Variants in EPHA5 observed in about 807,000 individuals in gnomAD.
EPHA5 encodes ephrin type-A receptor 5.
In EPHA5, 60 loss-of-function variants were observed where a neutral mutation model predicts 105.0. The observed-to-expected ratio is 0.57, with a 90% CI of 0.46 to 0.71. The LOEUF (loss-of-function observed/expected upper bound fraction) is 0.71, where lower values mean the gene tolerates loss of function less well. Among genes scored for constraint, EPHA5 ranks in the 30% least tolerant of loss-of-function variants. EPHA5 has a pLI of 0.00. For synonymous variants in EPHA5, 513 were observed against 449.1 expected (o/e 1.14, Z -1.80); for missense variants, 1,218 against 1,274.7 (o/e 0.96, Z 0.68).
rs1167954813 is a variant in EPHA5, at chr4:65,549,601, A to T, written c.910+52040T>A. 2.6e-5 allele frequency among the ~76,000 whole-genome samples: 4 copies of T among 152,228 alleles called. No individual in the cohort carries two copies. In the East Asian group the frequency reaches 7.7e-4, roughly 29 times the overall value. ...TAACAAATAACATTTTTAATATGAA[A>T]GGGATGCATGCTATAATTTGTAGGG... is the stretch of plus-strand genomic sequence containing the variant. On this transcript the variant is annotated intron_variant, in intron 3 of 16. Transcript: ENST00000613740.
chr4:65,403,557 T>C (rs1230929799), intron 8 of EPHA5, among the ~76,000 whole-genome samples: 1 of 151,598 alleles, frequency 6.6e-6, no homozygotes, highest in East Asian at 1.9e-4. Flanking sequence ...ACTATGTTTA[T>C]TGTAGGAAAA....
intron 8 of EPHA5, among the ~76,000 whole-genome samples, chr4:65,369,706 G>C (rs1390531891): frequency 6.6e-6 from 1 of 151,994 alleles, no homozygotes; most frequent in African/African-American, 2.4e-5. Flanking sequence ...GGTGGCTCAC[G>C]CTTGTAATCC....
At chr4:65,633,193 G>C (rs956627469) in intron 2 of EPHA5, among the ~76,000 whole-genome samples, 1 of 151,950 alleles carries the variant, frequency 6.6e-6, no homozygotes, top group East Asian at 1.9e-4. Context: ...CTCTTCCCCT[G>C]CTGCCTTTAA....
At position 65,590,678 on chromosome 4, in the gene EPHA5, A is replaced by C. The variant is rs1255336440; in HGVS notation, c.910+10963T>G. 2.0e-5 allele frequency among the ~76,000 whole-genome samples: 3 copies of C among 152,296 alleles called. No homozygotes were observed. The East Asian group carries it at 5.8e-4, about 29-fold the overall frequency. ...AAGAGAGAGAGACAAATTAAGCTAC[A>C]CTTGCTATTAGTCAGATAGTTTTCT... is the stretch of plus-strand genomic sequence containing the variant. On this transcript the variant is annotated intron_variant, in intron 3 of 16. Transcript: ENST00000613740.
At chr4:65,611,034 T>C (rs2149457711) in intron 2 of EPHA5, among the ~76,000 whole-genome samples, 1 of 152,298 alleles carries the variant, frequency 6.6e-6, no homozygotes, top group East Asian at 1.9e-4. Context: ...AGTTTATATC[T>C]TTCTTAAGAG....
intron 3 of EPHA5, among the ~76,000 whole-genome samples, chr4:65,543,304 A>T (rs1394172767): frequency 1.3e-5 from 2 of 152,010 alleles, no homozygotes; most frequent in Non-Finnish European, 2.9e-5. Flanking sequence ...AGATGACATG[A>T]TCCTATATTT....
chr4:65,439,879 T>C (rs1172299473), intron 5 of EPHA5, among the ~76,000 whole-genome samples: 1 of 152,056 alleles, frequency 6.6e-6, no homozygotes, highest in Non-Finnish European at 1.5e-5. Flanking sequence ...TTGATATTTT[T>C]AAAAAGCAAA....
At chr4:65,562,562 G>A (rs937428840) in intron 3 of EPHA5, among the ~76,000 whole-genome samples, 8 of 152,010 alleles carry the variant, frequency 5.3e-5, no homozygotes, top group Admixed American at 2.6e-4. Context: ...ATAAGAGAAT[G>A]TTTGCAACTG....
At chr4:65,507,866 G>C (rs575857778) in intron 3 of EPHA5, among the ~76,000 whole-genome samples, 2 of 152,050 alleles carry the variant, frequency 1.3e-5, no homozygotes, top group East Asian at 3.9e-4. Context: ...AAAAATATTA[G>C]TATTTGCTTA....
At chr4:65,417,809 C>A (rs1481707300) in intron 6 of EPHA5, among the ~76,000 whole-genome samples, 1 of 152,082 alleles carries the variant, frequency 6.6e-6, no homozygotes, top group African/African-American at 2.4e-5. Context: ...TGTTGAATAA[C>A]TCTTTGTTGT....
intron 3 of EPHA5, among the ~76,000 whole-genome samples, chr4:65,540,586 C>T (rs552675778): frequency 6.6e-5 from 10 of 151,418 alleles, no homozygotes; most frequent in South Asian, 2.1e-4. Flanking sequence ...CAAAGCATTT[C>T]GAAAGATTCT....
intron 4 of EPHA5, among the ~76,000 whole-genome samples, chr4:65,492,490 C>T (rs997300861): frequency 6.7e-6 from 1 of 148,384 alleles, no homozygotes; most frequent in Non-Finnish European, 1.5e-5. Flanking sequence ...ACGTGAGCCA[C>T]CGCGCCAAGC....
At chr4:65,591,909 C>T (rs976951893) in intron 3 of EPHA5, among the ~76,000 whole-genome samples, 12 of 152,034 alleles carry the variant, frequency 7.9e-5, no homozygotes, top group Non-Finnish European at 1.6e-4. Flanking sequence ...TGAAACGTAT[C>T]TTTTAAAAAC....
intron 5 of EPHA5, among the ~76,000 whole-genome samples, chr4:65,453,060 G>A (rs1177758528): frequency 2.6e-5 from 4 of 152,082 alleles, no homozygotes; most frequent in African/African-American, 9.7e-5. Context: ...AATGCACACA[G>A]TTTGGCAAAT....
chr4:65,547,371 G>T (rs193055548), intron 3 of EPHA5, among the ~76,000 whole-genome samples: 3 of 151,276 alleles, frequency 2.0e-5, no homozygotes, highest in Non-Finnish European at 2.9e-5. Flanking sequence ...AAAGAAAGCA[G>T]GTAATAAAAA....
intron 1 of EPHA5, among the ~76,000 whole-genome samples, chr4:65,667,545 A>G (rs1750063773): frequency 6.6e-6 from 1 of 152,090 alleles, no homozygotes; most frequent in African/African-American, 2.4e-5. Context: ...GAGGTAAGAC[A>G]ATACAATCTG....
At chr4:65,402,889 C>T (rs1179319682) in intron 8 of EPHA5, among the ~76,000 whole-genome samples, 2 of 152,102 alleles carry the variant, frequency 1.3e-5, no homozygotes, top group African/African-American at 4.8e-5. Context: ...AGCTTATCTT[C>T]CAGAAAGCAG....
In EPHA5 at chr4:65,365,040, T is replaced by C. The variant is rs1290412965; in HGVS notation, c.2150A>G (p.His717Arg). ...MGQFDHPNII[H>R]LEGVVTKSKP... ...ACTTTTGGTCACCACACCTTCTAAATGGATGATGTTAGGATGATCAAACTG... is the reference window on the plus strand; with the variant it reads ...ACTTTTGGTCACCACACCTTCTAAACGGATGATGTTAGGATGATCAAACTG... Residue 717 changes from histidine to arginine, a missense_variant, in exon 11 of 17, where the codon CAT (histidine) becomes CGT (arginine). His to Arg is a conservative substitution (Grantham distance 29, BLOSUM62 0). This residue lies in a region of EPHA5 where 971 missense variants were observed against 1,013.5 expected (regional missense o/e 0.96). Transcript: ENST00000613740. 1 of 1,611,032 alleles carries C rather than the reference T, an allele frequency of 6.2e-7. No individual in the cohort carries two copies. The highest frequency in any genetic ancestry group is 8.5e-7 in the Non-Finnish European group (1 of 1,178,042).
At chr4:65,326,863 C>A (rs543687623) in intron 16 of EPHA5, among the ~76,000 whole-genome samples, 1 of 151,220 alleles carries the variant, frequency 6.6e-6, no homozygotes, top group East Asian at 2.0e-4. Flanking sequence ...TTGAAAATAA[C>A]CATTATTATT....
Sources: allele counts gnomAD v4.1 joint callset (sites outside exome capture counted in the v4.1 genomes callset), GRCh38; gene constraint gnomAD v4.1.1; regional missense constraint gnomAD v4.1.1; transcripts MANE v1.5; gene names NCBI Gene and HGNC (gene_info 2026-07-23, HGNC 2026-07-21).